The following LPCAT1 variants were observed in gnomAD, a reference collection of about 807,000 sequenced individuals.
LPCAT1 encodes the protein lysophosphatidylcholine acyltransferase 1, also known as 1-acylglycerol-3-phosphate O-acyltransferase.
LPCAT1 carries 23 observed loss-of-function variants against 60.9 expected under a neutral mutation model. That is an observed-to-expected ratio of 0.38 (90% CI 0.27 to 0.53). The LOEUF is 0.53. Ranked by LOEUF, LPCAT1 falls within the 20% of genes least tolerant of loss-of-function variation. The probability of loss-of-function intolerance (pLI) is 0.82; values close to 1 mark genes in which losing one functional copy is unlikely to be tolerated. For missense variants in LPCAT1, 622 were observed against 723.6 expected (o/e 0.86, Z 1.61); for synonymous variants, 340 against 301.1 (o/e 1.13, Z -1.34).
chr5:1,463,465 C>G lies in LPCAT1; in HGVS notation c.*186G>C, dbSNP rs1183491369. The G allele has an allele frequency of 6.1e-6, 4 of 655,448 alleles. No homozygotes were observed. The highest frequency in any genetic ancestry group is 1.0e-5 in the Non-Finnish European group (4 of 393,200). 40.6% of individuals were successfully genotyped at this position (655,448 alleles called of 1,614,324 possible). A position where few individuals can be genotyped will look rare whatever the true frequency, so the allele number is the denominator to read the frequency against. ...CGCCCTCCGATTCTCGCACAGTAAG[C>G]GTCGGTTCTGCAACACACTTCACAA... On this transcript the variant is annotated 3_prime_UTR_variant, in exon 14 of 14. Coordinates refer to ENST00000283415, the MANE Select transcript of LPCAT1 (RefSeq NM_024830.5).
At position 1,461,909 on chromosome 5, in the gene LPCAT1, A is replaced by G. The variant is rs1734112619; in HGVS notation, c.*1742T>C. The G allele has an allele frequency of 6.6e-6, 1 of 152,560 alleles. No homozygotes were observed. Among genetic ancestry groups the G allele is most frequent in the Non-Finnish European group, 1.5e-5 (1 of 68,034 alleles). The allele number at this position is 152,560 out of a possible 1,614,324, so 9.5% of individuals were successfully genotyped here. On this transcript the variant is annotated 3_prime_UTR_variant, in exon 14 of 14. Coordinates refer to ENST00000283415, the MANE Select transcript of LPCAT1 (RefSeq NM_024830.5). Reference sequence around the variant, plus strand: ...TCTTTACGCATTCTCCAATTATAAAATCAGTGACTGTTAGCTACCAAAGGC... The same window carrying G: ...TCTTTACGCATTCTCCAATTATAAAGTCAGTGACTGTTAGCTACCAAAGGC...
chr5:1,509,029 C>T (rs892952511), intron 1 of LPCAT1, among the ~76,000 whole-genome samples: 4 of 152,274 alleles, frequency 2.6e-5, no homozygotes, highest in South Asian at 2.1e-4. Flanking sequence ...GCCCACCAGG[C>T]GCAGGGATGC....
At position 1,474,365 on chromosome 5, in the gene LPCAT1, G is replaced by A. The variant is rs369429118; in HGVS notation, c.1025+195C>T. 1.5e-3 allele frequency among the ~76,000 whole-genome samples: 224 copies of A among 152,304 alleles called. 5 individuals carry two copies. In the South Asian group the frequency reaches 0.045, roughly 31 times the overall value. ...GGACACAGGGTGGCCCTCCTGGGGC[G>A]CCGTCCACAGACAGCTGATGCCAGC... On this transcript the variant is annotated intron_variant, in intron 10 of 13. Transcript: ENST00000283415.
chr5:1,500,299 A>G (rs1040231392), intron 2 of LPCAT1, among the ~76,000 whole-genome samples: 2 of 152,282 alleles, frequency 1.3e-5, no homozygotes, highest in Admixed American at 1.3e-4. Context: ...AGTATTTATG[A>G]TATCTCAACA....
At chr5:1,501,148 G>A (rs1735987674) in intron 2 of LPCAT1, among the ~76,000 whole-genome samples, 1 of 152,242 alleles carries the variant, frequency 6.6e-6, no homozygotes. Flanking sequence ...GCCCCAGCAG[G>A]TTCTGGAGCA....
chr5:1,465,173 CACAA>C (rs754261769), intron 13 of LPCAT1, among the ~76,000 whole-genome samples: 20 of 148,968 alleles, frequency 1.3e-4, no homozygotes, highest in South Asian at 8.6e-4. Flanking sequence ...CATGCACACA[CACAA>C]AACAAGCGCA....
At chr5:1,493,191 T>C (rs895130394) in intron 3 of LPCAT1, among the ~76,000 whole-genome samples, 2 of 152,166 alleles carry the variant, frequency 1.3e-5, no homozygotes, top group Non-Finnish European at 2.9e-5. Flanking sequence ...AGCCCTCCAG[T>C]CCCACCAAGG....
At chr5:1,512,704 A>G (rs890870142) in intron 1 of LPCAT1, among the ~76,000 whole-genome samples, 1 of 152,222 alleles carries the variant, frequency 6.6e-6, no homozygotes, top group Admixed American at 6.5e-5. Flanking sequence ...TGTCTGGACT[A>G]AGCGTTCCCT....
chr5:1,475,804 G>T (rs1013660313), intron 9 of LPCAT1, among the ~76,000 whole-genome samples: 8 of 100,990 alleles, frequency 7.9e-5, no homozygotes, highest in African/African-American at 2.7e-4. Flanking sequence ...TCTCCACTCC[G>T]AGTGGGGCTG....
In LPCAT1 at chr5:1,522,436, G is replaced by A. The variant is rs1273895900; in HGVS notation, c.135+1274C>T. Among the ~76,000 whole-genome samples the A allele has an allele frequency of 6.6e-6, 1 of 152,148 alleles. No homozygotes were observed. The highest frequency in any genetic ancestry group is 2.4e-5 in the African/African-American group (1 of 41,432). On this transcript the variant is annotated intron_variant, in intron 1 of 13. Coordinates refer to ENST00000283415, the MANE Select transcript of LPCAT1 (RefSeq NM_024830.5). The surrounding 1 kb of genome is among the most constrained non-coding windows in gnomAD (Gnocchi z 6.8). ...GGCACCGCCCCAGCCCCAGAGTCCAGCTCCCGACACACAGGGAGACGGGGG... is the reference window on the plus strand; with the variant it reads ...GGCACCGCCCCAGCCCCAGAGTCCAACTCCCGACACACAGGGAGACGGGGG...
At position 1,470,919 on chromosome 5, in the gene LPCAT1, G is replaced by T; in HGVS notation, c.1185C>A (p.Gly395=). 1 of 1,612,804 alleles carries T rather than the reference G, an allele frequency of 6.2e-7. No homozygotes were observed. Among genetic ancestry groups the T allele is most frequent in the Non-Finnish European group, 8.5e-7 (1 of 1,179,748 alleles). ...EDMFSLFDES[G]SGEVDLRECV... ...ACTCTCGCAGGTCCACCTCGCCGCT[G>T]CCGCTCTGTGGGGAGAGACGCTCTC... Residue 395 remains glycine (G), a synonymous_variant, in exon 12 of 14, where the codon GGC becomes GGA. Transcript: ENST00000283415.
At chr5:1,465,022 A>G (rs1734293418) in intron 13 of LPCAT1, among the ~76,000 whole-genome samples, 1 of 129,284 alleles carries the variant, frequency 7.7e-6, no homozygotes, top group African/African-American at 2.7e-5. Flanking sequence ...CACACAAAAC[A>G]AGCGCAGGCA....
rs756885975 is a variant in LPCAT1 at position 1,502,945 on chromosome 5, C to T, written c.136-1342G>A. ...AATTTAATATACAGCTCATTTCGCC[C>T]GGTATATCTGAAATACCATTTCGAC... On this transcript the variant is annotated intron_variant, in intron 1 of 13. Transcript: ENST00000283415. This position sits in a 1 kb window ranked among gnomAD's most constrained non-coding sequence, Gnocchi z 5.5. Among the ~76,000 whole-genome samples the T allele has an allele frequency of 2.4e-4, 36 of 152,130 alleles. No homozygotes were observed. The highest frequency in any genetic ancestry group is 3.1e-4 in the Non-Finnish European group (21 of 68,028).
intron 13 of LPCAT1, among the ~76,000 whole-genome samples, chr5:1,464,427 C>A (rs1734239359): frequency 6.6e-6 from 1 of 152,208 alleles, no homozygotes; most frequent in East Asian, 1.9e-4. Flanking sequence ...CCTGGGCCAC[C>A]CGGCGAGAAA....
At position 1,479,685 on chromosome 5, in the gene LPCAT1, A is replaced by C; in HGVS notation, c.762-10T>G. 1 of 1,605,964 alleles carries C rather than the reference A, an allele frequency of 6.2e-7. No homozygotes were observed. Among genetic ancestry groups the C allele is most frequent in the Non-Finnish European group, 8.5e-7 (1 of 1,172,642 alleles). On this transcript the variant is annotated splice_polypyrimidine_tract_variant and intron_variant, in intron 7 of 13. Coordinates refer to ENST00000283415, the MANE Select transcript of LPCAT1 (RefSeq NM_024830.5). Reference sequence around the variant, plus strand: ...CCACAGGATTTCCAGCCTTAAAAACAGATTGCACAATGTTGAGCAGATTTA... The same window carrying C: ...CCACAGGATTTCCAGCCTTAAAAACCGATTGCACAATGTTGAGCAGATTTA...
intron 12 of LPCAT1, chr5:1,467,117 T>G: frequency 2.5e-6 from 1 of 405,598 alleles, no homozygotes; most frequent in Non-Finnish European, 4.3e-6. Context: ...CAGCAGATGC[T>G]TCTCGGGCAA....
intron 1 of LPCAT1, among the ~76,000 whole-genome samples, chr5:1,520,267 T>A (rs1579821222): frequency 6.6e-6 from 1 of 152,204 alleles, no homozygotes; most frequent in African/African-American, 2.4e-5. Flanking sequence ...TGAGTTTTTT[T>A]AAAAAATCAC....
intron 3 of LPCAT1, among the ~76,000 whole-genome samples, chr5:1,493,402 C>G (rs1735662214): frequency 6.6e-6 from 1 of 152,270 alleles, no homozygotes; most frequent in East Asian, 1.9e-4. Context: ...AATGTGTCCC[C>G]ACCCAGTCCA....
chr5:1,479,772 C>T, intron 7 of LPCAT1, 97 bp from the exon 8 acceptor site: 4 of 941,862 alleles, frequency 4.2e-6, no homozygotes, highest in Non-Finnish European at 6.7e-6. Context: ...ACGCGCCCTC[C>T]AGAGGGCGCT....
Sources: allele counts gnomAD v4.1 joint callset (sites outside exome capture counted in the v4.1 genomes callset), GRCh38; gene constraint gnomAD v4.1.1; non-coding constraint Gnocchi (gnomAD v3.1); transcripts MANE v1.5; gene names NCBI Gene and HGNC (gene_info 2026-07-23, HGNC 2026-07-21).